The following RPF1 variants were observed in gnomAD, a reference collection of about 807,000 sequenced individuals.
The protein encoded by RPF1 is ribosome production factor 1.
In RPF1, 34 loss-of-function variants were observed where a neutral mutation model predicts 41.9. The ratio of observed to expected loss-of-function variants is 0.81; its 90% CI spans 0.62 to 1.08. The LOEUF is 1.08. Ranked by LOEUF, RPF1 falls within the 50% of genes least tolerant of loss-of-function variation. The pLI is 0.00. For missense variants in RPF1, 425 were observed against 435.2 expected (o/e 0.98, Z 0.21); for synonymous variants, 140 against 148.9 (o/e 0.94, Z 0.43).
intron 3 of RPF1, among the ~76,000 whole-genome samples, chr1:84,486,554 C>T (rs1490411849): frequency 7.0e-6 from 1 of 142,712 alleles, no homozygotes; most frequent in Non-Finnish European, 1.5e-5. Flanking sequence ...CGCCACTGCA[C>T]TCCAGCATGG....
At position 84,489,625 on chromosome 1, in the gene RPF1, G is replaced by C. The variant is rs1365376113; in HGVS notation, c.367-8G>C. 2 of 1,524,344 alleles carry C rather than the reference G, an allele frequency of 1.3e-6. No homozygotes were observed. The highest frequency in any genetic ancestry group is 1.4e-5 in the African/African-American group (1 of 73,142). 94.4% of individuals were successfully genotyped at this position (1,524,344 alleles called of 1,614,324 possible). A position where few individuals can be genotyped will look rare whatever the true frequency, so the allele number is the denominator to read the frequency against. Reference sequence around the variant, plus strand: ...TGATGTAAAATTATTCCTCTTCTCTGTTCTCAGGTCGCTTATGATGAAGCT... The same window carrying C: ...TGATGTAAAATTATTCCTCTTCTCTCTTCTCAGGTCGCTTATGATGAAGCT... On this transcript the variant is annotated splice_polypyrimidine_tract_variant and splice_region_variant and intron_variant, in intron 3 of 8. Coordinates refer to ENST00000370654, the MANE Select transcript of RPF1 (RefSeq NM_025065.7).
chr1:84,483,843 A>G (rs1199003406), intron 3 of RPF1, among the ~76,000 whole-genome samples: 2 of 152,272 alleles, frequency 1.3e-5, no homozygotes, highest in East Asian at 3.9e-4. Flanking sequence ...TCTTTCTCAT[A>G]TCTCCTGGTA....
intron 2 of RPF1, among the ~76,000 whole-genome samples, 167 bp from the exon 3 acceptor site, chr1:84,482,748 A>G (rs1186228375): frequency 6.6e-6 from 1 of 151,632 alleles, no homozygotes; most frequent in Non-Finnish European, 1.5e-5. Flanking sequence ...AAAAAAAAAA[A>G]GCCTCTTATT....
In RPF1 at chr1:84,498,021, C is replaced by T. The variant is rs1400490480; in HGVS notation, c.*551C>T. On this transcript the variant is annotated 3_prime_UTR_variant, in exon 9 of 9. Transcript: ENST00000370654. ...TTTGAGGTTTTTGGTTTTTTGTGCC[C>T]ACGTTGTGGGGAGCTCTTTTTTACC... is the stretch of plus-strand genomic sequence containing the variant. Among the ~76,000 whole-genome samples the T allele has an allele frequency of 6.6e-6, 1 of 152,078 alleles. No homozygotes were observed. The highest frequency in any genetic ancestry group is 2.1e-4 in the South Asian group (1 of 4,830).
chr1:84,483,840 CAT>C, intron 3 of RPF1, among the ~76,000 whole-genome samples: 1 of 152,292 alleles, frequency 6.6e-6, no homozygotes, highest in African/African-American at 2.4e-5. Flanking sequence ...CATTCTTTCT[CAT>C]ATCTCCTGGT....
chr1:84,491,206 G>A (rs1681829538), intron 5 of RPF1, among the ~76,000 whole-genome samples: 1 of 152,104 alleles, frequency 6.6e-6, no homozygotes, highest in African/African-American at 2.4e-5. Flanking sequence ...ATCTAGGTTT[G>A]TTATTATTGT....
rs973232032 is a variant in RPF1, at chr1:84,479,400, T to C, written c.119T>C (p.Val40Ala). Reference sequence around the variant, plus strand: ...GGGGATGGGGCGACGGAAAACGGGGTCCAACCCCCGAAAGCGGCTGCCTTT... The same window carrying C: ...GGGGATGGGGCGACGGAAAACGGGGCCCAACCCCCGAAAGCGGCTGCCTTT... ...GAGDGATENG[V>A]QPPKAAAFPP... Residue 40 changes from valine (V) to alanine (A), a missense_variant, in exon 1 of 9, where the codon GTC (valine) becomes GCC (alanine). Physicochemically the swap from Val to Ala is moderately conservative, Grantham distance 64 (BLOSUM62 0). Coordinates refer to ENST00000370654, the MANE Select transcript of RPF1 (RefSeq NM_025065.7). The C allele has an allele frequency of 1.9e-6, 3 of 1,613,952 alleles. No homozygotes were observed. The African/African-American group carries it at 4.0e-5, about 22-fold the overall frequency.
chr1:84,496,378 C>G lies in RPF1; in HGVS notation c.1008+8C>G. ...TATGAATGGGTCCATAAGGTATGTG[C>G]TTATTGTTTAAAAAGACTAAGTCAT... On this transcript the variant is annotated splice_region_variant and intron_variant, in intron 8 of 8. Transcript: ENST00000370654. The G allele has an allele frequency of 6.3e-7, 1 of 1,585,230 alleles. No homozygotes were observed.
At chr1:84,494,437 T>G (rs565254298) in intron 5 of RPF1, among the ~76,000 whole-genome samples, 1 of 152,340 alleles carries the variant, frequency 6.6e-6, no homozygotes, top group South Asian at 2.1e-4. Flanking sequence ...CTGGCCTATT[T>G]AAGTTGTTGA....
rs761366476 is a variant in RPF1, at chr1:84,496,037, G to A, written c.855G>A (p.Arg285=). ...AGGTTGCCACATTCCACAATCAACG[G>A]GATTACATATTCTTCAGATTTCACA... ...GRQVATFHNQ[R]DYIFFRFHRY... Residue 285 remains arginine, a synonymous_variant, in exon 7 of 9, where the codon CGG becomes CGA. Coordinates refer to ENST00000370654, the MANE Select transcript of RPF1 (RefSeq NM_025065.7). The A allele has an allele frequency of 5.0e-6, 8 of 1,609,934 alleles. No individual in the cohort carries two copies. The South Asian group carries it at 5.5e-5, about 11-fold the overall frequency.
At chr1:84,483,053 GT>G in intron 3 of RPF1, 58 bp downstream of exon 3, 2 of 1,141,108 alleles carry the variant, frequency 1.8e-6, no homozygotes, top group Non-Finnish European at 2.6e-6. Context: ...TAAATTATAT[GT>G]TTTTTTGTTG....
chr1:84,485,505 C>T (rs964613637), intron 3 of RPF1, among the ~76,000 whole-genome samples: 8 of 152,150 alleles, frequency 5.3e-5, no homozygotes, highest in Non-Finnish European at 1.0e-4. Flanking sequence ...ACTTGTGGCG[C>T]CATGTTGGTG....
intron 3 of RPF1, among the ~76,000 whole-genome samples, chr1:84,486,289 G>A (rs538376264): frequency 2.3e-4 from 35 of 152,072 alleles, no homozygotes; most frequent in Admixed American, 2.0e-3. Flanking sequence ...GGGTGGGTTA[G>A]AATAGAAGAA....
intron 3 of RPF1, among the ~76,000 whole-genome samples, chr1:84,483,631 C>G (rs541187825): frequency 1.3e-5 from 2 of 152,216 alleles, no homozygotes; most frequent in East Asian, 1.9e-4. Context: ...ATTTTGATAC[C>G]TAAGAATAAC....
intron 3 of RPF1, chr1:84,483,258 G>A (rs1681682611): frequency 2.6e-6 from 1 of 383,884 alleles, no homozygotes; most frequent in Non-Finnish European, 4.8e-6. Flanking sequence ...GGAGGGTTTT[G>A]TTTTTGTTTT....
chr1:84,489,695 G>T lies in RPF1; in HGVS notation c.429G>T (p.Lys143Asn), dbSNP rs1681798671. Reference protein sequence around the residue: ...ASYFNKQTSPKILITTSDRPH... With the variant: ...ASYFNKQTSPNILITTSDRPH... ...ACTTCAACAAACAGACTTCTCCCAA[G>T]ATTCTCATCACAACATCAGATAGAC... Residue 143 changes from lysine to asparagine, a missense_variant, in exon 4 of 9, where the codon AAG becomes AAT. Transcript: ENST00000370654. The T allele has an allele frequency of 1.2e-6, 2 of 1,606,876 alleles. No individual in the cohort carries two copies. Among genetic ancestry groups the T allele is most frequent in the Admixed American group, 1.7e-5 (1 of 59,984 alleles).
At chr1:84,486,193 T>C (rs1034974294) in intron 3 of RPF1, among the ~76,000 whole-genome samples, 7 of 151,920 alleles carry the variant, frequency 4.6e-5, no homozygotes, top group African/African-American at 1.7e-4. Flanking sequence ...CCTAGGAAAG[T>C]ATGATGAAGA....
intron 5 of RPF1, among the ~76,000 whole-genome samples, chr1:84,491,833 A>G (rs1044278549): frequency 6.6e-6 from 1 of 152,182 alleles, no homozygotes; most frequent in Non-Finnish European, 1.5e-5. Flanking sequence ...TAGTCACACA[A>G]ATTTCACTTA....
intron 8 of RPF1, 147 bp downstream of exon 8, chr1:84,496,517 C>A: frequency 7.5e-6 from 4 of 533,666 alleles, no homozygotes; most frequent in East Asian, 3.3e-5. Flanking sequence ...CACTATAGCA[C>A]GTTTACCTAT....
Sources: allele counts gnomAD v4.1 joint callset (sites outside exome capture counted in the v4.1 genomes callset), GRCh38; gene constraint gnomAD v4.1.1; transcripts MANE v1.5; gene names NCBI Gene and HGNC (gene_info 2026-07-23, HGNC 2026-07-21).